Variants in NEK10 observed in about 807,000 individuals in gnomAD.
The protein encoded by NEK10 is serine/threonine-protein kinase Nek10.
NEK10 carries 122 observed loss-of-function variants against 159.8 expected under a neutral mutation model. The observed-to-expected ratio is 0.76, with a 90% CI of 0.66 to 0.89. NEK10 has a LOEUF of 0.89. NEK10 is among the 40% of genes least tolerant of loss of function. The pLI, the probability that NEK10 is intolerant of heterozygous loss-of-function variation, is 0.00. For synonymous variants in NEK10, 466 were observed against 457.1 expected, an observed-to-expected ratio of 1.02 and a Z score of -0.25; for missense variants, 1,342 against 1,323.1, an observed-to-expected ratio of 1.01 and a Z score of -0.22.
At position 27,215,835 on chromosome 3, in the gene NEK10, T is replaced by C. The variant is rs201146212; in HGVS notation, c.2091-13278A>G. Reference sequence around the variant, plus strand: ...GCAAAGGAGGAGCCAGCACGTTTTATGTGGCCAGAGCAGGAGCAGGAGAGC... The same window carrying C: ...GCAAAGGAGGAGCCAGCACGTTTTACGTGGCCAGAGCAGGAGCAGGAGAGC... On this transcript the variant is annotated intron_variant, in intron 23 of 35. Coordinates refer to ENST00000691995, the MANE Select transcript of NEK10 (RefSeq NM_001394966.1). The C allele has an allele frequency of 2.7e-4, 196 of 717,618 alleles. No individual in the cohort carries two copies. In the East Asian group the frequency reaches 5.2e-3, roughly 19 times the overall value. The allele number at this position is 717,618 out of a possible 1,614,324, so 44.5% of individuals were successfully genotyped here. A position where few individuals can be genotyped will look rare whatever the true frequency, so the allele number is the denominator to read the frequency against.
intron 30 of NEK10, among the ~76,000 whole-genome samples, chr3:27,159,245 C>A (rs1945783244): frequency 6.6e-6 from 1 of 152,092 alleles, no homozygotes; most frequent in African/African-American, 2.4e-5. Context: ...AGACAACAGA[C>A]CTCAGCATAA....
chr3:27,271,503 C>T (rs1263030904), intron 22 of NEK10, among the ~76,000 whole-genome samples: 1 of 152,102 alleles, frequency 6.6e-6, no homozygotes, highest in African/African-American at 2.4e-5. Flanking sequence ...ATGTAAGAGT[C>T]ATCTTATTCT....
chr3:27,177,987 T>C (rs763117842), intron 26 of NEK10, among the ~76,000 whole-genome samples: 9 of 152,168 alleles, frequency 5.9e-5, no homozygotes, highest in African/African-American at 1.4e-4. Flanking sequence ...ACTAGTTTTT[T>C]TGGCATCTGC....
intron 32 of NEK10, among the ~76,000 whole-genome samples, chr3:27,121,874 T>C (rs1041714136): frequency 6.6e-6 from 1 of 151,912 alleles, no homozygotes; most frequent in Non-Finnish European, 1.5e-5. Context: ...GGTGGTCGTA[T>C]GGGTGAAAAT....
chr3:27,144,239 A>G (rs1944070473), intron 30 of NEK10, among the ~76,000 whole-genome samples: 1 of 152,198 alleles, frequency 6.6e-6, no homozygotes, highest in South Asian at 2.1e-4. Flanking sequence ...TATTATCAAC[A>G]CATGCAGTTC....
chr3:27,333,365 G>GTA (rs2046562363), intron 5 of NEK10, among the ~76,000 whole-genome samples: 1 of 151,782 alleles, frequency 6.6e-6, no homozygotes, highest in Non-Finnish European at 1.5e-5. Context: ...GGCCAACATG[G>GTA]TAAAGCCCTG....
chr3:27,139,855 A>G (rs1218844606), intron 31 of NEK10, among the ~76,000 whole-genome samples: 1 of 152,222 alleles, frequency 6.6e-6, no homozygotes, highest in Non-Finnish European at 1.5e-5. Context: ...AACATCCAGA[A>G]GCCATTCCTT....
At chr3:27,115,027 G>A (rs1335779034) in intron 35 of NEK10, among the ~76,000 whole-genome samples, 1 of 152,090 alleles carries the variant, frequency 6.6e-6, no homozygotes, top group African/African-American at 2.4e-5. Context: ...CTTTTCCTGA[G>A]GATTTCTCTG....
At chr3:27,332,082 A>G (rs1024240187) in intron 5 of NEK10, among the ~76,000 whole-genome samples, 1 of 152,248 alleles carries the variant, frequency 6.6e-6, no homozygotes, top group African/African-American at 2.4e-5. Flanking sequence ...CTAGAACGAT[A>G]GTACCAGAAC....
intron 23 of NEK10, chr3:27,206,543 T>C: frequency 1.2e-5 from 12 of 962,914 alleles, no homozygotes; most frequent in Non-Finnish European, 1.5e-5. Flanking sequence ...CCTCCTTCAT[T>C]CACTCATTCA....
chr3:27,222,370 C>CA (rs1023584318), intron 23 of NEK10, among the ~76,000 whole-genome samples: 3 of 151,610 alleles, frequency 2.0e-5, no homozygotes, highest in African/African-American at 7.3e-5. Flanking sequence ...GACTCCGTCT[C>CA]AAAAAAACAA....
At chr3:27,224,899 A>C (rs1952470238) in intron 23 of NEK10, among the ~76,000 whole-genome samples, 1 of 152,302 alleles carries the variant, frequency 6.6e-6, no homozygotes, top group South Asian at 2.1e-4. Flanking sequence ...GTGCTCACAA[A>C]ATGTCACTTG....
chr3:27,194,170 G>A (rs1042482653), intron 25 of NEK10: 4 of 145,956 alleles, frequency 2.7e-5, no homozygotes, highest in African/African-American at 1.0e-4. Context: ...CTGTCGCCCA[G>A]TCTGGAGTGC....
chr3:27,113,602 C>G (rs537644505), intron 35 of NEK10, among the ~76,000 whole-genome samples: 1 of 152,136 alleles, frequency 6.6e-6, no homozygotes, highest in African/African-American at 2.4e-5. Flanking sequence ...AATAGATTCA[C>G]AATTACAAAT....
At chr3:27,345,045 G>A (rs971041471) in intron 4 of NEK10, among the ~76,000 whole-genome samples, 2 of 152,042 alleles carry the variant, frequency 1.3e-5, no homozygotes, top group African/African-American at 4.8e-5. Context: ...AAAAGGATAA[G>A]AAAAAATGAA....
At chr3:27,186,618 T>C (rs1259456296) in intron 26 of NEK10, among the ~76,000 whole-genome samples, 1 of 152,156 alleles carries the variant, frequency 6.6e-6, no homozygotes, top group Non-Finnish European at 1.5e-5. Flanking sequence ...TTGAAGAAGC[T>C]TCATGATCAT....
At chr3:27,148,935 A>G (rs1944568910) in intron 30 of NEK10, among the ~76,000 whole-genome samples, 1 of 152,054 alleles carries the variant, frequency 6.6e-6, no homozygotes, top group Non-Finnish European at 1.5e-5. Context: ...CCCTAAAATG[A>G]CCATGAAAAA....
chr3:27,361,285 G>A (rs1559562429), intron 1 of NEK10, among the ~76,000 whole-genome samples: 2 of 152,168 alleles, frequency 1.3e-5, no homozygotes, highest in African/African-American at 2.4e-5. Flanking sequence ...TGTGCCTTGC[G>A]TAGCTGCTAC....
At chr3:27,252,395 C>T (rs567588138) in intron 23 of NEK10, among the ~76,000 whole-genome samples, 1 of 152,124 alleles carries the variant, frequency 6.6e-6, no homozygotes. Flanking sequence ...TTTTGGAGAT[C>T]TGAAGGAACA....
Sources: gnomAD v4.1 joint callset for allele counts (sites outside exome capture counted in the v4.1 genomes callset) on GRCh38, gnomAD v4.1.1 for gene constraint, MANE v1.5 for transcripts, NCBI Gene and HGNC (gene_info 2026-07-23, HGNC 2026-07-21) for gene names.